The following TMC2 variants were observed in gnomAD, a reference collection of about 807,000 sequenced individuals.
TMC2 encodes transmembrane channel like 2.
TMC2 carries 102 observed loss-of-function variants against 105.9 expected under a neutral mutation model. The observed-to-expected ratio is 0.96, with a 90% CI of 0.82 to 1.14. The LOEUF (loss-of-function observed/expected upper bound fraction) is 1.14. Ranked by LOEUF, TMC2 falls within the 50% of genes most tolerant of loss-of-function variation. The pLI is 0.00. For missense variants in TMC2, 1,093 were observed against 1,134.3 expected (o/e 0.96, Z 0.52); for synonymous variants, 402 against 422.8 (o/e 0.95, Z 0.60).
At chr20:2,598,660 G>A (rs970526819) in intron 10 of TMC2, among the ~76,000 whole-genome samples, 9 of 151,690 alleles carry the variant, frequency 5.9e-5, no homozygotes, top group African/African-American at 1.9e-4. Context: ...TGCCCGCCTC[G>A]GCCTCCCAAA....
At chr20:2,601,702 T>C (rs944233968) in intron 10 of TMC2, among the ~76,000 whole-genome samples, 1 of 151,676 alleles carries the variant, frequency 6.6e-6, no homozygotes, top group African/African-American at 2.4e-5. Flanking sequence ...TAGCCAGGCG[T>C]GGTGGTGCAT....
intron 2 of TMC2, among the ~76,000 whole-genome samples, chr20:2,552,681 AATTTTTGT>A (rs757126598): frequency 6.6e-6 from 1 of 151,932 alleles, no homozygotes; most frequent in Non-Finnish European, 1.5e-5. Flanking sequence ...ATGCCCAGCT[AATTTTTGT>A]ATTTTTAGTA....
chr20:2,551,212 ATACCATGT>A (rs2085954672), intron 2 of TMC2, among the ~76,000 whole-genome samples: 1 of 152,194 alleles, frequency 6.6e-6, no homozygotes, highest in African/African-American at 2.4e-5. Flanking sequence ...CCCTAATGAC[ATACCATGT>A]TGAGCATCTT....
At chr20:2,549,480 C>T (rs931644496) in intron 2 of TMC2, among the ~76,000 whole-genome samples, 3 of 152,114 alleles carry the variant, frequency 2.0e-5, no homozygotes, top group Non-Finnish European at 4.4e-5. Context: ...TGGTTGCTTA[C>T]GTCTGTAATC....
rs1016008270 is a variant in TMC2, at chr20:2,641,172, G to A, written c.2542G>A (p.Asp848Asn). The part of the protein sequence containing the change: ...PPSASQSQAM[D>N]KKAQGPGTSN... ...CTCTGCCAGCCAAAGCCAGGCCATGGACAAGAAGGCGCAGGGCCCTGGGAC... is the reference window on the plus strand; with the variant it reads ...CTCTGCCAGCCAAAGCCAGGCCATGAACAAGAAGGCGCAGGGCCCTGGGAC... Residue 848 changes from aspartate (D) to asparagine (N), a missense_variant, in exon 20 of 20, where the codon GAC becomes AAC. Asp to Asn is a conservative substitution (Grantham distance 23). Coordinates refer to ENST00000358864, the MANE Select transcript of TMC2 (RefSeq NM_080751.3). 9.3e-6 allele frequency: 15 copies of A among 1,613,922 alleles called. No individual in the cohort carries two copies. The highest frequency in any genetic ancestry group is 1.3e-5 in the African/African-American group (1 of 74,914).
intron 5 of TMC2, 121 bp from the exon 6 acceptor site, chr20:2,579,025 C>T (rs1168644680): frequency 1.4e-5 from 9 of 662,018 alleles, no homozygotes; most frequent in African/African-American, 1.8e-5. Context: ...GACTGCAAGA[C>T]AGCAGCTTCA....
At chr20:2,538,299 C>T (rs2085865179) in intron 2 of TMC2, among the ~76,000 whole-genome samples, 1 of 152,290 alleles carries the variant, frequency 6.6e-6, no homozygotes, top group Admixed American at 6.5e-5. Flanking sequence ...TCTCAACAGC[C>T]CTTCCTGGCC....
At chr20:2,573,928 A>C (rs1430155931) in intron 5 of TMC2, among the ~76,000 whole-genome samples, 1 of 152,176 alleles carries the variant, frequency 6.6e-6, no homozygotes, top group Non-Finnish European at 1.5e-5. Flanking sequence ...GGGTTCTCCT[A>C]AATGTGACAT....
At position 2,613,249 on chromosome 20, in the gene TMC2, T is replaced by C. The variant is rs745960894; in HGVS notation, c.1799T>C (p.Leu600Pro). 1 of 1,614,054 alleles carries C rather than the reference T, an allele frequency of 6.2e-7. No homozygotes were observed. The highest frequency in any genetic ancestry group is 1.1e-5 in the South Asian group (1 of 91,068). ...CTGGTAACGTACATCACCATCCTGC[T>C]GGGGGACTTCCTACGGGCTTGTTTT... ...DMLVTYITIL[L>P]GDFLRACFVR... The change falls in exon 14 of 20, where the codon CTG becomes CCG. Residue 600 changes from leucine (L) to proline (P), a missense_variant. Leu to Pro is a moderately conservative substitution (Grantham distance 98). Coordinates refer to ENST00000358864, the MANE Select transcript of TMC2 (RefSeq NM_080751.3).
intron 2 of TMC2, among the ~76,000 whole-genome samples, chr20:2,539,994 T>TTC (rs2085878757): frequency 7.2e-6 from 1 of 138,104 alleles, no homozygotes; most frequent in African/African-American, 2.8e-5. Context: ...TCTTTTCTTT[T>TTC]TTTTTTTTTT....
intron 2 of TMC2, among the ~76,000 whole-genome samples, chr20:2,552,210 T>A (rs929810047): frequency 6.6e-6 from 1 of 152,172 alleles, no homozygotes; most frequent in African/African-American, 2.4e-5. Context: ...GTGAGCTATA[T>A]TCGTGCCATT....
At chr20:2,601,782 G>GATTGCAAC (rs1219374015) in intron 10 of TMC2, among the ~76,000 whole-genome samples, 40 of 152,140 alleles carry the variant, frequency 2.6e-4, no homozygotes, top group Non-Finnish European at 5.1e-4. Flanking sequence ...GGTGAGCCGA[G>GATTGCAAC]ATTGCACCAT....
chr20:2,565,842 C>A (rs1434897017), intron 4 of TMC2, among the ~76,000 whole-genome samples: 1 of 152,066 alleles, frequency 6.6e-6, no homozygotes, highest in Non-Finnish European at 1.5e-5. Context: ...GAGTTCAAGA[C>A]CAGCCTGGTC....
intron 16 of TMC2, among the ~76,000 whole-genome samples, chr20:2,621,033 T>G (rs1482377763): frequency 1.3e-5 from 2 of 152,152 alleles, no homozygotes; most frequent in Admixed American, 1.3e-4. Flanking sequence ...TCATCATGGA[T>G]TAGCCAGGTG....
chr20:2,555,448 G>T (rs1268524044), intron 2 of TMC2, among the ~76,000 whole-genome samples: 2 of 151,918 alleles, frequency 1.3e-5, no homozygotes, highest in Non-Finnish European at 2.9e-5. Context: ...TAATACAATT[G>T]CTCAAGCTTT....
chr20:2,566,388 A>G (rs757061752), intron 4 of TMC2, among the ~76,000 whole-genome samples: 1 of 152,240 alleles, frequency 6.6e-6, no homozygotes, highest in Non-Finnish European at 1.5e-5. Flanking sequence ...TGGGGAACAA[A>G]GATGAATCAG....
rs767931854 is a variant in TMC2, at chr20:2,613,263, C to T, written c.1813C>T (p.Arg605Trp). ...YITILLGDFLRACFVRFMNYC... is the reference protein window; with the variant it reads ...YITILLGDFLWACFVRFMNYC... ...CACCATCCTGCTGGGGGACTTCCTA[C>T]GGGCTTGTTTTGTGCGGTTCATGAA... is the stretch of plus-strand genomic sequence containing the variant. Residue 605 changes from arginine to tryptophan, a missense_variant, in exon 14 of 20, where the codon CGG becomes TGG. Arg to Trp is a moderately radical substitution (Grantham distance 101). Coordinates refer to ENST00000358864, the MANE Select transcript of TMC2 (RefSeq NM_080751.3). The T allele has an allele frequency of 2.3e-5, 37 of 1,613,934 alleles. No individual in the cohort carries two copies. The East Asian group carries it at 5.8e-4, about 25-fold the overall frequency.
At chr20:2,556,334 C>T (rs1243104310) in intron 2 of TMC2, among the ~76,000 whole-genome samples, 2 of 152,222 alleles carry the variant, frequency 1.3e-5, no homozygotes, top group East Asian at 3.9e-4. Flanking sequence ...CCACCTCAGC[C>T]TCCCAAAGTG....
In TMC2 at chr20:2,539,989, TC is replaced by T. The variant is rs1465863788; in HGVS notation, c.82+2674del. 2.9e-3 allele frequency among the ~76,000 whole-genome samples: 305 copies of T among 106,968 alleles called. 2 individuals are homozygous for T. Among genetic ancestry groups the T allele is most frequent in the African/African-American group, 1.0e-2 (285 of 28,556 alleles). The allele number at this position is 106,968 out of a possible 152,430, so 70.2% of individuals were successfully genotyped here. ...ACAAGACTATTCTTTTCTTTTCTTT[TC>T]TTTTTTTTTTTTTTTTTTGAGATGG... On this transcript the variant is annotated intron_variant, in intron 2 of 19. Transcript: ENST00000358864.
Sources: gnomAD v4.1 joint callset for allele counts (sites outside exome capture counted in the v4.1 genomes callset) on GRCh38, gnomAD v4.1.1 for gene constraint, MANE v1.5 for transcripts, NCBI Gene and HGNC (gene_info 2026-07-23, HGNC 2026-07-21) for gene names.